RAB39A: variants seen among roughly 807,000 people sequenced by gnomAD.
RAB39A encodes the protein ras-related protein Rab-39A.
Under a neutral mutation model 20.9 loss-of-function variants are expected in RAB39A, and 17 were observed. The ratio of observed to expected loss-of-function variants is 0.81; its 90% CI spans 0.56 to 1.22. RAB39A has a LOEUF of 1.22. Ranked by LOEUF, RAB39A falls within the 50% of genes most tolerant of loss-of-function variation. The probability of loss-of-function intolerance (pLI) is 0.00; values close to 1 mark genes in which losing one functional copy is unlikely to be tolerated. For synonymous variants in RAB39A, 99 were observed against 103.4 expected, an observed-to-expected ratio of 0.96 and a Z score of 0.26; for missense variants, 234 against 270.5, an observed-to-expected ratio of 0.87 and a Z score of 0.95.
At chr11:107,945,828 G>A (rs1052150578) in intron 1 of RAB39A, among the ~76,000 whole-genome samples, 1 of 152,164 alleles carries the variant, frequency 6.6e-6, no homozygotes, top group African/African-American at 2.4e-5. Context: ...GTCTTTGGCT[G>A]GAAGCACCAG....
At position 107,939,071 on chromosome 11, in the gene RAB39A, G is replaced by A. The variant is rs375750683; in HGVS notation, c.227+10276G>A. On this transcript the variant is annotated intron_variant, in intron 1 of 1. Coordinates refer to ENST00000320578, the MANE Select transcript of RAB39A (RefSeq NM_017516.3). ...AGTGTGGCCAAGCTGGTGAAACCCCGTCCCTACTAAAAATAGAAAAAAATT... is the reference window on the plus strand; with the variant it reads ...AGTGTGGCCAAGCTGGTGAAACCCCATCCCTACTAAAAATAGAAAAAAATT... 2.3e-3 allele frequency among the ~76,000 whole-genome samples: 355 copies of A among 151,396 alleles called. 3 individuals carry two copies. Among genetic ancestry groups the A allele is most frequent in the African/African-American group, 8.1e-3 (334 of 41,250 alleles).
At chr11:107,949,137 A>AT (rs1861348063) in intron 1 of RAB39A, among the ~76,000 whole-genome samples, 1 of 152,112 alleles carries the variant, frequency 6.6e-6, no homozygotes, top group Non-Finnish European at 1.5e-5. Context: ...CCTGGGCAAC[A>AT]TGGAGAAACC....
intron 1 of RAB39A, 103 bp from the exon 2 acceptor site, chr11:107,961,843 C>A: frequency 1.1e-6 from 1 of 912,192 alleles, no homozygotes; most frequent in Non-Finnish European, 1.6e-6. Flanking sequence ...CTAGTTAAAT[C>A]ATATTAAGAT....
intron 1 of RAB39A, among the ~76,000 whole-genome samples, chr11:107,943,324 C>T (rs1230525349): frequency 3.9e-5 from 6 of 152,034 alleles, no homozygotes; most frequent in African/African-American, 1.4e-4. Context: ...GTAATCCCAG[C>T]ACTTTGGGAG....
intron 1 of RAB39A, among the ~76,000 whole-genome samples, chr11:107,938,387 GAC>G (rs1861221433): frequency 1.5e-5 from 2 of 136,756 alleles, no homozygotes; most frequent in African/African-American, 5.3e-5. Flanking sequence ...AAAAGAATGA[GAC>G]AGCATCGTTT....
chr11:107,949,566 C>G (rs1861353818), intron 1 of RAB39A, among the ~76,000 whole-genome samples: 1 of 152,060 alleles, frequency 6.6e-6, no homozygotes, highest in Admixed American at 6.5e-5. Context: ...TCACATAATC[C>G]ACTGTGTTAT....
intron 1 of RAB39A, among the ~76,000 whole-genome samples, chr11:107,946,436 G>GTGTATA (rs1315934948): frequency 7.5e-4 from 23 of 30,482 alleles, no homozygotes; most frequent in Admixed American, 1.0e-3. Context: ...GTGTGTGTGT[G>GTGTATA]TATATATATA....
intron 1 of RAB39A, among the ~76,000 whole-genome samples, chr11:107,948,437 T>C (rs968670674): frequency 6.6e-6 from 1 of 152,076 alleles, no homozygotes; most frequent in Non-Finnish European, 1.5e-5. Context: ...GCCAGGGGAT[T>C]TGAGCAGAAG....
chr11:107,941,956 G>A (rs1206035029), intron 1 of RAB39A, among the ~76,000 whole-genome samples: 1 of 151,938 alleles, frequency 6.6e-6, no homozygotes, highest in African/African-American at 2.4e-5. Flanking sequence ...AAAAGTAGCT[G>A]GGTTTGATGG....
At chr11:107,936,943 A>AG (rs1428553556) in intron 1 of RAB39A, among the ~76,000 whole-genome samples, 1 of 151,880 alleles carries the variant, frequency 6.6e-6, no homozygotes, top group Admixed American at 6.6e-5. Context: ...CCAAAAAAAA[A>AG]AAAACAAATG....
chr11:107,959,896 C>A (rs1861477334), intron 1 of RAB39A, among the ~76,000 whole-genome samples: 1 of 152,146 alleles, frequency 6.6e-6, no homozygotes, highest in Admixed American at 6.5e-5. Flanking sequence ...CAGCATTTAG[C>A]ACTTTTCCTC....
At chr11:107,946,456 ATATATTTTTTTTTTT>A (rs1861318357) in intron 1 of RAB39A, among the ~76,000 whole-genome samples, 12 of 43,570 alleles carry the variant, frequency 2.8e-4, no homozygotes, top group Non-Finnish European at 1.8e-4. Flanking sequence ...ATATATATAT[ATATATTTTTTTTTTT>A]TTTTTTTTTT....
chr11:107,961,905 C>A, intron 1 of RAB39A, 41 bp from the exon 2 acceptor site: 2 of 1,463,630 alleles, frequency 1.4e-6, no homozygotes, highest in Middle Eastern at 1.8e-4. Flanking sequence ...AGAAAAAGAA[C>A]AAGTTGTCCT....
intron 1 of RAB39A, among the ~76,000 whole-genome samples, chr11:107,936,855 G>A (rs1364778146): frequency 6.6e-6 from 1 of 151,938 alleles, no homozygotes; most frequent in Non-Finnish European, 1.5e-5. Context: ...GAACCCAGAA[G>A]GTGGAGGTTG....
intron 1 of RAB39A, among the ~76,000 whole-genome samples, chr11:107,945,318 C>CAAAAAAAAAAA (rs33940061): frequency 1.0e-4 from 9 of 87,448 alleles, no homozygotes; most frequent in Non-Finnish European, 6.5e-5. Flanking sequence ...CCCGTCTCTA[C>CAAAAAAAAAAA]AAAAAAAAAA....
chr11:107,932,813 C>T (rs1861151300), intron 1 of RAB39A, among the ~76,000 whole-genome samples: 1 of 152,094 alleles, frequency 6.6e-6, no homozygotes, highest in African/African-American at 2.4e-5. Context: ...CAGGTTCAAG[C>T]AATTATTATG....
chr11:107,952,070 A>C (rs1861386231), intron 1 of RAB39A, among the ~76,000 whole-genome samples: 1 of 152,188 alleles, frequency 6.6e-6, no homozygotes, highest in South Asian at 2.1e-4. Context: ...TATTTTAGGA[A>C]AAATAATTAG....
At chr11:107,955,614 G>A (rs904543687) in intron 1 of RAB39A, among the ~76,000 whole-genome samples, 4 of 152,248 alleles carry the variant, frequency 2.6e-5, no homozygotes, top group Non-Finnish European at 5.9e-5. Flanking sequence ...CGAGGCAGGC[G>A]GATCACCTGA....
intron 1 of RAB39A, among the ~76,000 whole-genome samples, chr11:107,956,706 G>A (rs1861440322): frequency 6.6e-6 from 1 of 152,188 alleles, no homozygotes; most frequent in African/African-American, 2.4e-5. Context: ...CTTGGGATTG[G>A]TTATAATTAA....
Sources: gnomAD v4.1 joint callset for allele counts (sites outside exome capture counted in the v4.1 genomes callset) on GRCh38, gnomAD v4.1.1 for gene constraint, MANE v1.5 for transcripts, NCBI Gene and HGNC (gene_info 2026-07-23, HGNC 2026-07-21) for gene names.